The following DIPK1A variants were observed in gnomAD, a reference collection of about 807,000 sequenced individuals.
The protein encoded by DIPK1A is divergent protein kinase domain 1A, also known as family with sequence similarity 69 member A.
A neutral mutation model predicts 40.8 loss-of-function variants in DIPK1A; 27 were observed. That is an observed-to-expected ratio of 0.66 (90% CI 0.49 to 0.91). The LOEUF is 0.91. Among genes scored for constraint, DIPK1A ranks in the 40% least tolerant of loss-of-function variants. The pLI is 0.00. For missense variants in DIPK1A, 412 were observed against 505.7 expected, an observed-to-expected ratio of 0.81 and a Z score of 1.78; for synonymous variants, 166 against 171.3, an observed-to-expected ratio of 0.97 and a Z score of 0.24.
intron 4 of DIPK1A, among the ~76,000 whole-genome samples, chr1:92,834,250 T>C (rs1687030615): frequency 6.6e-6 from 1 of 152,218 alleles, no homozygotes; most frequent in African/African-American, 2.4e-5. Flanking sequence ...TAAACAGGGC[T>C]TTAAGATTGT....
intron 1 of DIPK1A, among the ~76,000 whole-genome samples, chr1:92,913,036 C>G (rs900555579): frequency 6.6e-6 from 1 of 151,526 alleles, no homozygotes; most frequent in Non-Finnish European, 1.5e-5. Context: ...CCCAGGAGGT[C>G]GGGGCTGCAG....
In DIPK1A at chr1:92,842,548, T is replaced by C. The variant is rs1176761001; in HGVS notation, c.*835A>G. On this transcript the variant is annotated 3_prime_UTR_variant, in exon 5 of 5. Transcript: ENST00000370310. The stretch of plus-strand genomic sequence containing the variant: ...AAATAGCCCTTTGGCCCACAGGATA[T>C]ACTGTTTGAAAATGGAAAGTTATTA... 1 of 984,830 alleles carries C rather than the reference T, an allele frequency of 1.0e-6. No individual in the cohort carries two copies. The highest frequency in any genetic ancestry group is 6.2e-5 in the Admixed American group (1 of 16,252). The allele number at this position is 984,830 out of a possible 1,614,324, so 61.0% of individuals were successfully genotyped here. A position where few individuals can be genotyped will look rare whatever the true frequency, so the allele number is the denominator to read the frequency against.
chr1:92,928,148 T>C (rs1233589762), intron 1 of DIPK1A, among the ~76,000 whole-genome samples: 1 of 152,242 alleles, frequency 6.6e-6, no homozygotes, highest in Non-Finnish European at 1.5e-5. Context: ...ATTATAGCCA[T>C]CCTAGTGGAT....
chr1:92,851,319 G>T (rs1399167736), intron 2 of DIPK1A, among the ~76,000 whole-genome samples: 1 of 151,890 alleles, frequency 6.6e-6, no homozygotes, highest in Non-Finnish European at 1.5e-5. Context: ...CGAGGCTGGT[G>T]GATCATTTGA....
chr1:92,954,771 C>CAA (rs993053871), intron 1 of DIPK1A, among the ~76,000 whole-genome samples: 8 of 151,878 alleles, frequency 5.3e-5, no homozygotes, highest in African/African-American at 1.9e-4. Context: ...AAAATAAAAA[C>CAA]AATAAAATGT....
Position 92,850,829 on chromosome 1 carries a change from TTATTC to T in DIPK1A, c.297+14_297+18del. On this transcript the variant is annotated intron_variant, in intron 3 of 4. Coordinates refer to ENST00000370310, the MANE Select transcript of DIPK1A (RefSeq NM_001006605.5). ...AGAGTACACTATAATTCTGGAATGTTTATTCATAATGGCCATACCTGATTGTTGGG... is the reference window on the plus strand; with the variant it reads ...AGAGTACACTATAATTCTGGAATGTTATAATGGCCATACCTGATTGTTGGG... The T allele has an allele frequency of 7.1e-7, 1 of 1,417,902 alleles. No homozygotes were observed. The highest frequency in any genetic ancestry group is 9.7e-7 in the Non-Finnish European group (1 of 1,035,012). The allele number at this position is 1,417,902 out of a possible 1,614,324, so 87.8% of individuals were successfully genotyped here. A position where few individuals can be genotyped will look rare whatever the true frequency, so the allele number is the denominator to read the frequency against.
At position 92,844,143 on chromosome 1, in the gene DIPK1A, G is replaced by A. The variant is rs781092600; in HGVS notation, c.527C>T (p.Thr176Met). Residue 176 changes from threonine to methionine, a missense_variant, in exon 5 of 5, where the codon ACG becomes ATG. Thr to Met is a moderately conservative substitution (Grantham distance 81). Coordinates refer to ENST00000370310, the MANE Select transcript of DIPK1A (RefSeq NM_001006605.5). Reference protein sequence around the residue: ...NLSELVNLILTVADGDKDGQV... With the variant: ...NLSELVNLILMVADGDKDGQV... ...GCCATCTTTGTCTCCATCAGCCACC[G>A]TCAAGATGAGATTAACCAGTTCAGA... is the stretch of plus-strand genomic sequence containing the variant. 92 of 1,551,680 alleles carry A rather than the reference G, an allele frequency of 5.9e-5. No homozygotes were observed. The highest frequency in any genetic ancestry group is 4.6e-4 in the East Asian group (19 of 40,920).
intron 1 of DIPK1A, among the ~76,000 whole-genome samples, chr1:92,920,479 G>A (rs1650227464): frequency 6.6e-6 from 1 of 152,194 alleles, no homozygotes; most frequent in Admixed American, 6.5e-5. Context: ...CCAGTATCGA[G>A]TATGTCTTTA....
chr1:92,899,942 C>A lies in DIPK1A; in HGVS notation c.55-23512G>T, dbSNP rs138837979. The stretch of plus-strand genomic sequence containing the variant: ...GCTGGCTATTTTTTTTTTCTTTCAG[C>A]ACATCCCATTCTCTCCTGGCCTGTA... On this transcript the variant is annotated intron_variant, in intron 1 of 4. Coordinates refer to ENST00000370310, the MANE Select transcript of DIPK1A (RefSeq NM_001006605.5). Among the ~76,000 whole-genome samples the A allele has an allele frequency of 1.1e-3, 169 of 152,030 alleles. 1 individual carries two copies. Among genetic ancestry groups the A allele is most frequent in the African/African-American group, 4.0e-3 (165 of 41,486 alleles).
chr1:92,912,370 C>T (rs963334262), intron 1 of DIPK1A, among the ~76,000 whole-genome samples: 4 of 151,836 alleles, frequency 2.6e-5, no homozygotes, highest in African/African-American at 4.8e-5. Context: ...TCATAACTTA[C>T]AAATATTATA....
Position 92,897,621 on chromosome 1 carries a change from C to T in DIPK1A, c.55-21191G>A, listed in dbSNP as rs573463904. The stretch of plus-strand genomic sequence containing the variant: ...TGTATACATATGTAACAAACCTGCA[C>T]GTTGTGCACATGTACCCTAAAACTT... On this transcript the variant is annotated intron_variant, in intron 1 of 4. Transcript: ENST00000370310. Among the ~76,000 whole-genome samples the T allele has an allele frequency of 4.2e-4, 63 of 151,626 alleles. 1 individual carries two copies. Among genetic ancestry groups the T allele is most frequent in the African/African-American group, 1.4e-3 (58 of 41,264 alleles).
Position 92,842,487 on chromosome 1 carries a change from A to G in DIPK1A, c.*896T>C, listed in dbSNP as rs958717121. On this transcript the variant is annotated 3_prime_UTR_variant, in exon 5 of 5. Coordinates refer to ENST00000370310, the MANE Select transcript of DIPK1A (RefSeq NM_001006605.5). ...ATCAAGTTTACATGGGGAAAAAAAC[A>G]TTAGATAAATAAATACATTTACATG... 6.5e-6 allele frequency: 6 copies of G among 930,124 alleles called. No homozygotes were observed. In the African/African-American group the frequency reaches 1.1e-4, roughly 17 times the overall value. 57.6% of individuals were successfully genotyped at this position (930,124 alleles called of 1,614,324 possible). A position where few individuals can be genotyped will look rare whatever the true frequency, so the allele number is the denominator to read the frequency against.
chr1:92,843,088 T>C lies in DIPK1A; in HGVS notation c.*295A>G. 1.9e-6 allele frequency: 2 copies of C among 1,069,206 alleles called. No individual in the cohort carries two copies. The highest frequency in any genetic ancestry group is 2.3e-6 in the Non-Finnish European group (2 of 883,440). The allele number at this position is 1,069,206 out of a possible 1,614,324, so 66.2% of individuals were successfully genotyped here. ...AAATCTACAAATCACTCACTGTTGA[T>C]GTTTATGGAATGAAGCTTTTCACAG... On this transcript the variant is annotated 3_prime_UTR_variant, in exon 5 of 5. Transcript: ENST00000370310.
At chr1:92,952,739 G>A (rs574122127) in intron 1 of DIPK1A, among the ~76,000 whole-genome samples, 3 of 151,308 alleles carry the variant, frequency 2.0e-5, no homozygotes, top group South Asian at 2.1e-4. Flanking sequence ...AAATTTCCCC[G>A]TAATCTAAAA....
chr1:92,856,370 AAGC>A (rs1188639482), intron 2 of DIPK1A, among the ~76,000 whole-genome samples: 1 of 150,602 alleles, frequency 6.6e-6, no homozygotes, highest in East Asian at 1.9e-4. Flanking sequence ...CTTCCAAAGA[AAGC>A]AGGCCAATAA....
Position 92,842,586 on chromosome 1 carries a change from C to A in DIPK1A, c.*797G>T, listed in dbSNP as rs1009958380. The A allele has an allele frequency of 1.0e-6, 1 of 973,210 alleles. No individual in the cohort carries two copies. The highest frequency in any genetic ancestry group is 1.8e-5 in the African/African-American group (1 of 54,854). The allele number at this position is 973,210 out of a possible 1,614,324, so 60.3% of individuals were successfully genotyped here. A position where few individuals can be genotyped will look rare whatever the true frequency, so the allele number is the denominator to read the frequency against. ...TGGAAAGTTATTACTAAAAAGTCTGCTATAATTTATTTTAGTCTTGCACTT... is the reference window on the plus strand; with the variant it reads ...TGGAAAGTTATTACTAAAAAGTCTGATATAATTTATTTTAGTCTTGCACTT... On this transcript the variant is annotated 3_prime_UTR_variant, in exon 5 of 5. Coordinates refer to ENST00000370310, the MANE Select transcript of DIPK1A (RefSeq NM_001006605.5).
chr1:92,928,927 A>G (rs1009021900), intron 1 of DIPK1A, among the ~76,000 whole-genome samples: 4 of 152,116 alleles, frequency 2.6e-5, no homozygotes, highest in Non-Finnish European at 5.9e-5. Context: ...GCACCACTGA[A>G]CTCCAGCCTG....
In DIPK1A at chr1:92,844,046, T is replaced by A. The variant is rs1687492783; in HGVS notation, c.624A>T (p.Ile208=). Residue 208 remains isoleucine (I), a synonymous_variant, in exon 5 of 5, where the codon ATA becomes ATT. Transcript: ENST00000370310. Reference sequence around the variant, plus strand: ...TGGGGGTATGTTCTTTATCTTGAAGTATCACCATGAGAAGAAATTCATTCA... The same window carrying A: ...TGGGGGTATGTTCTTTATCTTGAAGAATCACCATGAGAAGAAATTCATTCA... The part of the protein sequence containing the change: ...LQLNEFLLMV[I]LQDKEHTPKL... 6.4e-7 allele frequency: 1 copy of A among 1,552,104 alleles called. No individual in the cohort carries two copies. Among genetic ancestry groups the A allele is most frequent in the African/African-American group, 1.4e-5 (1 of 73,170 alleles).
intron 1 of DIPK1A, among the ~76,000 whole-genome samples, chr1:92,880,894 C>CA (rs1321179871): frequency 2.2e-4 from 31 of 142,290 alleles, no homozygotes; most frequent in Admixed American, 2.8e-4. Context: ...AACAAACAAA[C>CA]AAAAAAACTA....
Sources: gnomAD v4.1 joint callset for allele counts (sites outside exome capture counted in the v4.1 genomes callset) on GRCh38, gnomAD v4.1.1 for gene constraint, MANE v1.5 for transcripts, NCBI Gene and HGNC (gene_info 2026-07-23, HGNC 2026-07-21) for gene names.